Variants in LITAF observed in about 807,000 individuals in gnomAD.
LITAF encodes lipopolysaccharide induced TNF factor, also known as lipopolysaccharide-induced tumor necrosis factor-alpha factor.
A neutral mutation model predicts 14.5 loss-of-function variants in LITAF; 9 were observed. The ratio of observed to expected loss-of-function variants is 0.62; its 90% CI spans 0.37 to 1.08. The LOEUF is 1.08. Among genes scored for constraint, LITAF ranks in the 50% least tolerant of loss-of-function variants. LITAF has a pLI of 0.01. For missense variants in LITAF, 206 were observed against 213.4 expected (o/e 0.97, Z 0.22); for synonymous variants, 98 against 88.2 (o/e 1.11, Z -0.62).
chr16:11,631,706 C>T (rs539556368), intron 3 of LITAF, among the ~76,000 whole-genome samples: 2 of 151,420 alleles, frequency 1.3e-5, no homozygotes, highest in Admixed American at 6.6e-5. Context: ...CGGACGCCTT[C>T]TCTCCGGTGT....
chr16:11,619,955 G>A (rs544131446), intron 3 of LITAF, among the ~76,000 whole-genome samples: 1 of 152,026 alleles, frequency 6.6e-6, no homozygotes, highest in Admixed American at 6.6e-5. Flanking sequence ...ATCACCTGAG[G>A]TCAGGAGTTG....
chr16:11,626,788 G>A (rs968960877), intron 3 of LITAF, among the ~76,000 whole-genome samples: 3 of 152,134 alleles, frequency 2.0e-5, no homozygotes, highest in Admixed American at 6.5e-5. Flanking sequence ...AACATTTCAA[G>A]CTCTACTAGG....
intron 3 of LITAF, among the ~76,000 whole-genome samples, chr16:11,614,280 CTTCT>C (rs988256524): frequency 6.7e-6 from 1 of 150,164 alleles, no homozygotes; most frequent in African/African-American, 2.5e-5. Flanking sequence ...CTTCTTTCCT[CTTCT>C]TTCTTTTTCT....
At chr16:11,619,995 C>T (rs1055150013) in intron 3 of LITAF, among the ~76,000 whole-genome samples, 1 of 151,790 alleles carries the variant, frequency 6.6e-6, no homozygotes, top group Non-Finnish European at 1.5e-5. Context: ...TGGTGAAACC[C>T]TATCTCTACT....
chr16:11,579,168 A>G (rs888195133), intron 1 of LITAF, among the ~76,000 whole-genome samples: 2 of 151,226 alleles, frequency 1.3e-5, no homozygotes, highest in Admixed American at 1.3e-4. Flanking sequence ...CAGCCTGGGC[A>G]ACAAGAACAA....
upstream of LITAF, among the ~76,000 whole-genome samples, chr16:11,600,527 C>T (rs969543301): frequency 3.3e-5 from 5 of 152,348 alleles, no homozygotes; most frequent in African/African-American, 7.2e-5. The surrounding 1 kb of genome is among the most constrained non-coding windows in gnomAD (Gnocchi z 4.1). Flanking sequence ...GTTAAATTCT[C>T]GGACTGGATT....
upstream of LITAF, among the ~76,000 whole-genome samples, chr16:11,603,356 G>T (rs949284475): frequency 6.6e-6 from 1 of 152,318 alleles, no homozygotes; most frequent in South Asian, 2.1e-4. Context: ...CTGTCAGCAG[G>T]CTTTTGAGGT....
At chr16:11,592,264 C>T (rs1449990725) in intron 1 of LITAF, among the ~76,000 whole-genome samples, 3 of 152,068 alleles carry the variant, frequency 2.0e-5, no homozygotes, top group African/African-American at 7.2e-5. Context: ...AAAAAAACAA[C>T]AAACAACCTA....
At position 11,614,694 on chromosome 16, in the gene LITAF, G is replaced by A. The variant is rs2065006262; in HGVS notation, c.85+18839C>T. 5.3e-5 allele frequency among the ~76,000 whole-genome samples: 8 copies of A among 152,108 alleles called. No homozygotes were observed. The South Asian group carries it at 1.4e-3, about 28-fold the overall frequency. Reference sequence around the variant, plus strand: ...AGCTCACTGCAACCTCCACCTCCAGGGCTCGAGATCCTCCCATCTTGGCCT... The same window carrying A: ...AGCTCACTGCAACCTCCACCTCCAGAGCTCGAGATCCTCCCATCTTGGCCT... On this transcript the variant is annotated intron_variant, in intron 3 of 3. Transcript: ENST00000574848.
chr16:11,601,014 T>C (rs914999889), upstream of LITAF, among the ~76,000 whole-genome samples: 2 of 151,882 alleles, frequency 1.3e-5, no homozygotes, highest in African/African-American at 4.8e-5. Flanking sequence ...GTTTGGAAAG[T>C]GACCAAGAAG....
At chr16:11,595,741 A>G (rs989965136) in intron 1 of LITAF, among the ~76,000 whole-genome samples, 1 of 152,164 alleles carries the variant, frequency 6.6e-6, no homozygotes, top group Admixed American at 6.5e-5. Context: ...AAAACAAAAC[A>G]AAACAAAACA....
At chr16:11,621,781 C>T (rs2065053011) in intron 3 of LITAF, among the ~76,000 whole-genome samples, 1 of 152,110 alleles carries the variant, frequency 6.6e-6, no homozygotes, top group East Asian at 1.9e-4. Context: ...TTCCCAACTG[C>T]TTGTGCTTCC....
chr16:11,573,701 C>CTTTTTTT (rs58695999), intron 1 of LITAF, among the ~76,000 whole-genome samples: 1 of 111,936 alleles, frequency 8.9e-6, no homozygotes, highest in Non-Finnish European at 1.7e-5. Context: ...AGAAGATATC[C>CTTTTTTT]TTTTTTTTTT....
upstream of LITAF, among the ~76,000 whole-genome samples, chr16:11,599,746 C>T (rs1402995170): frequency 6.6e-6 from 1 of 152,112 alleles, no homozygotes; most frequent in Non-Finnish European, 1.5e-5. Flanking sequence ...CCACTCTGCT[C>T]ACTCCACTCC....
At chr16:11,627,024 G>C (rs188411875) in intron 3 of LITAF, among the ~76,000 whole-genome samples, 2 of 152,122 alleles carry the variant, frequency 1.3e-5, no homozygotes, top group African/African-American at 4.8e-5. Context: ...GCTTCTTCCA[G>C]TCTGATCCCA....
At chr16:11,596,140 C>T (rs2064884084) in intron 1 of LITAF, among the ~76,000 whole-genome samples, 1 of 152,112 alleles carries the variant, frequency 6.6e-6, no homozygotes, top group South Asian at 2.1e-4. Context: ...CAACCCTTCC[C>T]CTCGGGGTGT....
chr16:11,557,358 G>T (rs192530852), intron 1 of LITAF, among the ~76,000 whole-genome samples: 310 of 152,246 alleles, frequency 2.0e-3, no homozygotes, highest in African/African-American at 6.7e-3. Context: ...TTCTTCACCT[G>T]GGGGCTGGTT....
In LITAF at chr16:11,586,853, C is replaced by A; in HGVS notation, c.-6+33G>T. 1 of 152,220 alleles carries A rather than the reference C, an allele frequency of 6.6e-6. No homozygotes were observed. Among genetic ancestry groups the A allele is most frequent in the South Asian group, 1.8e-4 (1 of 5,468 alleles). 9.4% of individuals were successfully genotyped at this position (152,220 alleles called of 1,614,324 possible). ...CGGCCCCCCGCTGTCTCCCGCTGGT[C>A]CCCGCGCCCCGGCGTCCCCGCGCCG... On this transcript the variant is annotated intron_variant, in intron 1 of 3. Transcript: ENST00000622633. This position sits in a 1 kb window ranked among gnomAD's most constrained non-coding sequence, Gnocchi z 6.5.
At chr16:11,579,289 A>C (rs2064693975) in intron 1 of LITAF, among the ~76,000 whole-genome samples, 1 of 151,242 alleles carries the variant, frequency 6.6e-6, no homozygotes, top group Non-Finnish European at 1.5e-5. Flanking sequence ...GTCTCTACTA[A>C]AAATACAAAA....
Sources: allele counts gnomAD v4.1 joint callset (sites outside exome capture counted in the v4.1 genomes callset), GRCh38; gene constraint gnomAD v4.1.1; non-coding constraint Gnocchi (gnomAD v3.1); transcripts MANE v1.5; gene names NCBI Gene and HGNC (gene_info 2026-07-23, HGNC 2026-07-21).